SEMA6D: variants seen among roughly 807,000 people sequenced by gnomAD.
SEMA6D encodes the protein semaphorin 6D.
Under a neutral mutation model 106.6 loss-of-function variants are expected in SEMA6D, and 35 were observed. The observed-to-expected ratio is 0.33, with a 90% confidence interval of 0.25 to 0.44. The LOEUF (loss-of-function observed/expected upper bound fraction) is 0.44. Among genes scored for constraint, SEMA6D ranks in the 20% least tolerant of loss-of-function variants. SEMA6D has a pLI of 1.00. For missense variants in SEMA6D, 1,185 were observed against 1,345.9 expected (o/e 0.88, Z 1.87); for synonymous variants, 499 against 487.7 (o/e 1.02, Z -0.31).
At chr15:47,628,644 T>C (rs559445173) in intron 4 of SEMA6D, among the ~76,000 whole-genome samples, 1 of 152,248 alleles carries the variant, frequency 6.6e-6, no homozygotes, top group African/African-American at 2.4e-5. Context: ...ATGTTCTAGA[T>C]GCTAGTCCTT....
At chr15:47,457,795 A>G (rs1438091922) in intron 2 of SEMA6D, among the ~76,000 whole-genome samples, 1 of 151,896 alleles carries the variant, frequency 6.6e-6, no homozygotes, top group African/African-American at 2.4e-5. Context: ...GATCCAAGAA[A>G]CTCAATAAAT....
At chr15:47,229,394 A>G (rs2032030450) in intron 1 of SEMA6D, among the ~76,000 whole-genome samples, 2 of 151,994 alleles carry the variant, frequency 1.3e-5, no homozygotes, top group African/African-American at 4.8e-5. Context: ...TGGTCTTAAA[A>G]AAATGGGGGA....
At chr15:47,768,488 A>C in intron 17 of SEMA6D, 93 bp from the exon 18 acceptor site, 2 of 1,125,242 alleles carry the variant, frequency 1.8e-6, no homozygotes. Context: ...CTTTCTCATA[A>C]AATTTACTCA....
At chr15:47,347,532 A>G (rs2038097012) in intron 1 of SEMA6D, among the ~76,000 whole-genome samples, 1 of 152,254 alleles carries the variant, frequency 6.6e-6, no homozygotes, top group African/African-American at 2.4e-5. Context: ...CTAGAGATAT[A>G]TAAAAACCCA....
At chr15:47,610,206 C>T (rs574835005) in intron 4 of SEMA6D, among the ~76,000 whole-genome samples, 3 of 152,326 alleles carry the variant, frequency 2.0e-5, no homozygotes, top group Admixed American at 6.5e-5. Context: ...GGATACAGGC[C>T]GTAGGCTGAC....
intron 1 of SEMA6D, among the ~76,000 whole-genome samples, chr15:47,213,074 T>C (rs1364187353): frequency 6.6e-6 from 1 of 152,186 alleles, no homozygotes; most frequent in Non-Finnish European, 1.5e-5. Flanking sequence ...GTGTTGGCAA[T>C]GTTCTTACCT....
intron 1 of SEMA6D, among the ~76,000 whole-genome samples, chr15:47,379,639 T>C (rs2039569780): frequency 6.6e-6 from 1 of 152,218 alleles, no homozygotes; most frequent in Admixed American, 6.5e-5. Context: ...GAACTTTAAA[T>C]AGGATTTTGA....
intron 1 of SEMA6D, chr15:47,396,342 T>A (rs1335338710): frequency 6.6e-6 from 1 of 151,952 alleles, no homozygotes; most frequent in Non-Finnish European, 1.5e-5. Context: ...ATTAGGAGAA[T>A]TGACTCACAT....
chr15:47,733,096 T>C (rs1193739138), intron 1 of SEMA6D, among the ~76,000 whole-genome samples: 1 of 152,248 alleles, frequency 6.6e-6, no homozygotes, highest in East Asian at 1.9e-4. Context: ...AAAAAGCTCA[T>C]TAACCCTTAA....
intron 4 of SEMA6D, among the ~76,000 whole-genome samples, chr15:47,659,875 A>G (rs1435383213): frequency 6.6e-6 from 1 of 152,154 alleles, no homozygotes; most frequent in South Asian, 2.1e-4. Flanking sequence ...GATTATACAT[A>G]TTGGTAAGAG....
Position 47,771,744 on chromosome 15 carries a change from CA to C in SEMA6D, c.3184del (p.Thr1062ProfsTer7). 3.1e-6 allele frequency: 5 copies of C among 1,613,948 alleles called. No individual in the cohort carries two copies. The highest frequency in any genetic ancestry group is 4.2e-6 in the Non-Finnish European group (5 of 1,179,918). ...GCCACCAAAGCCTTCCTTTGTTCCT[CA>C]AACCCCATCTGTCAGACCACTGAAC... ...DVPPKPSFVP[Q>X]TPSVRPLNKY... On this transcript the variant is annotated frameshift_variant, in exon 19 of 19. Coordinates refer to ENST00000536845, the MANE Select transcript of SEMA6D (RefSeq NM_001358351.3). LOFTEE classifies it high-confidence loss of function.
chr15:47,346,422 C>G (rs2038047247), intron 1 of SEMA6D, among the ~76,000 whole-genome samples: 1 of 152,056 alleles, frequency 6.6e-6, no homozygotes, highest in African/African-American at 2.4e-5. Context: ...ATGTGGAAAA[C>G]AAGAAGCTTA....
intron 1 of SEMA6D, among the ~76,000 whole-genome samples, chr15:47,310,982 C>T (rs1180853269): frequency 2.0e-5 from 3 of 152,138 alleles, no homozygotes; most frequent in Non-Finnish European, 2.9e-5. Flanking sequence ...AACAAAAGTA[C>T]AACACAATTC....
At chr15:47,513,896 T>C (rs2044308086) in intron 3 of SEMA6D, among the ~76,000 whole-genome samples, 1 of 152,202 alleles carries the variant, frequency 6.6e-6, no homozygotes, top group South Asian at 2.1e-4. Context: ...CCACCTCAAA[T>C]GGATGTTTGC....
chr15:47,432,584 G>C (rs1692778), intron 2 of SEMA6D, among the ~76,000 whole-genome samples: 5,111 of 149,890 alleles, frequency 0.034, 198 homozygotes, highest in East Asian at 0.19. Context: ...TACATATACA[G>C]CTATATGCAT....
chr15:47,408,351 A>G (rs2146145074), intron 1 of SEMA6D, among the ~76,000 whole-genome samples: 1 of 152,356 alleles, frequency 6.6e-6, no homozygotes, highest in South Asian at 2.1e-4. Flanking sequence ...TATATTTTAA[A>G]TATCTTATGA....
At chr15:47,766,908 T>C (rs1193425128) in intron 16 of SEMA6D, 129 bp from the exon 17 acceptor site, 5 of 617,508 alleles carry the variant, frequency 8.1e-6, no homozygotes, top group African/African-American at 1.9e-5. Context: ...AGAGGTAGTC[T>C]AACCAGTAGG....
chr15:47,323,321 G>A (rs1248934997), intron 1 of SEMA6D, among the ~76,000 whole-genome samples: 1 of 152,150 alleles, frequency 6.6e-6, no homozygotes, highest in Non-Finnish European at 1.5e-5. Flanking sequence ...CTATCAAGAG[G>A]TCTAGGGTAC....
chr15:47,298,457 T>C (rs2035890914), intron 1 of SEMA6D, among the ~76,000 whole-genome samples: 1 of 152,026 alleles, frequency 6.6e-6, no homozygotes, highest in Non-Finnish European at 1.5e-5. Context: ...AGGAAACAAC[T>C]GTTTGATATG....
Sources: gnomAD v4.1 joint callset for allele counts (sites outside exome capture counted in the v4.1 genomes callset) on GRCh38, gnomAD v4.1.1 for gene constraint, MANE v1.5 for transcripts, NCBI Gene and HGNC (gene_info 2026-07-23, HGNC 2026-07-21) for gene names.